Variants in MEIS1 observed in about 807,000 individuals in gnomAD.
MEIS1 encodes Meis homeobox 1.
A neutral mutation model predicts 50.8 loss-of-function variants in MEIS1; 5 were observed. The ratio of observed to expected loss-of-function variants is 0.10; its 90% CI spans 0.05 to 0.21. The LOEUF (loss-of-function observed/expected upper bound fraction) is 0.21. MEIS1 is among the 10% of genes least tolerant of loss of function. The pLI is 1.00. For missense variants in MEIS1, 318 were observed against 517.3 expected, an observed-to-expected ratio of 0.61 and a Z score of 3.74; for synonymous variants, 176 against 179.3, an observed-to-expected ratio of 0.98 and a Z score of 0.15.
intron 7 of MEIS1, among the ~76,000 whole-genome samples, chr2:66,497,466 T>A (rs1402891354): frequency 6.6e-6 from 1 of 152,218 alleles, no homozygotes; most frequent in African/African-American, 2.4e-5. Context: ...CTATTATTCT[T>A]ATTGTCTAGA....
rs1250402394 is a variant in MEIS1, at chr2:66,526,914, G to A, written c.888+14620G>A. 2.0e-5 allele frequency among the ~76,000 whole-genome samples: 3 copies of A among 152,220 alleles called. 1 individual carries two copies. In the East Asian group the frequency reaches 5.8e-4, roughly 29 times the overall value. ...GTGAGTCTCAGGCCCACACCTTGAA[G>A]TGAAAACATCATCAATTACCAAAAT... On this transcript the variant is annotated intron_variant, in intron 8 of 12. Coordinates refer to ENST00000272369, the MANE Select transcript of MEIS1 (RefSeq NM_002398.3).
At chr2:66,482,057 T>G (rs527523612) in intron 7 of MEIS1, among the ~76,000 whole-genome samples, 30 of 152,100 alleles carry the variant, frequency 2.0e-4, no homozygotes, top group Non-Finnish European at 4.0e-4. Context: ...AGACGGGGTT[T>G]CACCATGTTG....
rs113620308 is a variant in MEIS1, at chr2:66,485,578, A to G, written c.742+21358A>G. Among the ~76,000 whole-genome samples, 1,328 of 152,288 alleles carry G rather than the reference A, an allele frequency of 8.7e-3. 14 individuals are homozygous for G. The highest frequency in any genetic ancestry group is 0.011 in the Non-Finnish European group (747 of 68,022). On this transcript the variant is annotated intron_variant, in intron 7 of 12. Coordinates refer to ENST00000272369, the MANE Select transcript of MEIS1 (RefSeq NM_002398.3). The stretch of plus-strand genomic sequence containing the variant: ...TAAACATGTGTGTGCATGTGTCTTT[A>G]TAGTAGAATGATTTATAATCCTTTG...
In MEIS1 at chr2:66,568,745, T is replaced by TTAGAGCACCAGG; in HGVS notation, c.1106_1114+3dup. 1 of 1,613,680 alleles carries TTAGAGCACCAGG rather than the reference T, an allele frequency of 6.2e-7. No individual in the cohort carries two copies. The highest frequency in any genetic ancestry group is 1.1e-5 in the South Asian group (1 of 91,078). On this transcript the variant is annotated inframe_insertion, in exon 11 of 13. Coordinates refer to ENST00000272369, the MANE Select transcript of MEIS1 (RefSeq NM_002398.3). ...ATGGACGGTCAGCAACATATGGGAA[T>TTAGAGCACCAGG]TAGAGCACCAGGTAAGACTTTGTTT...
chr2:66,438,841 AT>A (rs202058229), intron 2 of MEIS1, among the ~76,000 whole-genome samples: 1,981 of 151,944 alleles, frequency 0.013, 11 homozygotes, highest in Non-Finnish European at 0.014. Flanking sequence ...GGAAAAAAAA[AT>A]ATATATAATC....
chr2:66,560,107 T>C (rs1330297095), intron 9 of MEIS1, among the ~76,000 whole-genome samples: 1 of 151,208 alleles, frequency 6.6e-6, no homozygotes, highest in Non-Finnish European at 1.5e-5. Flanking sequence ...TCACTTTTTT[T>C]TTTTTTTTTT....
chr2:66,565,552 T>C lies in MEIS1; in HGVS notation c.966-1901T>C, dbSNP rs555386374. ...GGGTGCTTGCTACCACTGACAGCTGTGTGTCATTTAGCAAATTATTAACAT... is the reference window on the plus strand; with the variant it reads ...GGGTGCTTGCTACCACTGACAGCTGCGTGTCATTTAGCAAATTATTAACAT... On this transcript the variant is annotated intron_variant, in intron 9 of 12. Coordinates refer to ENST00000272369, the MANE Select transcript of MEIS1 (RefSeq NM_002398.3). Among the ~76,000 whole-genome samples the C allele has an allele frequency of 2.6e-5, 4 of 152,312 alleles. No homozygotes were observed. The South Asian group carries it at 8.3e-4, about 32-fold the overall frequency.
intron 6 of MEIS1, among the ~76,000 whole-genome samples, chr2:66,460,872 C>G (rs1672501872): frequency 6.6e-6 from 1 of 152,048 alleles, no homozygotes; most frequent in Non-Finnish European, 1.5e-5. Context: ...GTTTTGAACC[C>G]TATCCTTTGG....
intron 1 of MEIS1, among the ~76,000 whole-genome samples, chr2:66,436,555 A>G (rs1406151772): frequency 6.6e-6 from 1 of 152,240 alleles, no homozygotes. Context: ...GTTTCTTAAA[A>G]GAAAGGGGGT....
At chr2:66,566,118 A>G (rs914888123) in intron 9 of MEIS1, among the ~76,000 whole-genome samples, 2 of 152,216 alleles carry the variant, frequency 1.3e-5, no homozygotes, top group Non-Finnish European at 1.5e-5. Flanking sequence ...GACTTCATAT[A>G]CAAGAACTGA....
At chr2:66,461,909 T>C (rs1672529273) in intron 6 of MEIS1, 1 of 470,496 alleles carries the variant, frequency 2.1e-6, no homozygotes, top group Non-Finnish European at 4.4e-6. Context: ...TCACAAACAC[T>C]GGGCTCAGGG....
intron 7 of MEIS1, among the ~76,000 whole-genome samples, chr2:66,472,970 AC>A (rs1672797556): frequency 6.6e-6 from 1 of 152,278 alleles, no homozygotes; most frequent in East Asian, 1.9e-4. Flanking sequence ...GCCAATGGAT[AC>A]CTTATCAGAG....
intron 2 of MEIS1, among the ~76,000 whole-genome samples, chr2:66,438,653 C>T (rs1573114479): frequency 6.6e-6 from 1 of 152,156 alleles, no homozygotes; most frequent in South Asian, 2.1e-4. Flanking sequence ...TTTCTGGCTG[C>T]GGTTTATACT....
At chr2:66,515,643 G>C (rs1295977402) in intron 8 of MEIS1, among the ~76,000 whole-genome samples, 1 of 152,122 alleles carries the variant, frequency 6.6e-6, no homozygotes, top group Non-Finnish European at 1.5e-5. Context: ...GGTGATTATG[G>C]GGTAAGAAGA....
intron 6 of MEIS1, chr2:66,443,521 A>T (rs960439308): frequency 5.9e-6 from 1 of 170,104 alleles, no homozygotes; most frequent in African/African-American, 2.4e-5. Flanking sequence ...AATGCTGGCT[A>T]TTTTCTCCCT....
chr2:66,546,783 CACAA>C (rs1372686877), intron 8 of MEIS1, among the ~76,000 whole-genome samples: 2 of 152,148 alleles, frequency 1.3e-5, no homozygotes, highest in African/African-American at 4.8e-5. Flanking sequence ...CTCTGCTGTT[CACAA>C]ACAAATCCCC....
At chr2:66,443,288 C>T (rs925324693) in intron 6 of MEIS1, 31 of 484,874 alleles carry the variant, frequency 6.4e-5, no homozygotes, top group South Asian at 6.3e-4. Context: ...TGACCTGTTT[C>T]TTGTCGCTTT....
chr2:66,529,576 G>T (rs1674340159), intron 8 of MEIS1, among the ~76,000 whole-genome samples: 1 of 152,156 alleles, frequency 6.6e-6, no homozygotes, highest in Non-Finnish European at 1.5e-5. Context: ...AGCTGGGACT[G>T]TAGGCACATG....
chr2:66,523,989 T>A (rs1313129509), intron 8 of MEIS1, among the ~76,000 whole-genome samples: 1 of 152,174 alleles, frequency 6.6e-6, no homozygotes, highest in Admixed American at 6.5e-5. Context: ...CTACCAGAGA[T>A]AGGAAGGCAA....
Sources: gnomAD v4.1 joint callset for allele counts (sites outside exome capture counted in the v4.1 genomes callset) on GRCh38, gnomAD v4.1.1 for gene constraint, MANE v1.5 for transcripts, NCBI Gene and HGNC (gene_info 2026-07-23, HGNC 2026-07-21) for gene names.